Variants in ZNF577 observed in about 807,000 individuals in gnomAD.
ZNF577 encodes the protein zinc finger protein 577.
Under a neutral mutation model 13.9 loss-of-function variants are expected in ZNF577, and 14 were observed. The ratio of observed to expected loss-of-function variants is 1.00; its 90% confidence interval spans 0.66 to 1.57. The LOEUF (loss-of-function observed/expected upper bound fraction) is 1.57, where lower values mean the gene tolerates loss of function less well. ZNF577 is among the 40% of genes most tolerant of loss of function. The probability of loss-of-function intolerance (pLI) is 0.00; values close to 1 mark genes in which losing one functional copy is unlikely to be tolerated. For missense variants in ZNF577, 555 were observed against 579.2 expected, an observed-to-expected ratio of 0.96 and a Z score of 0.43; for synonymous variants, 203 against 202.9, an observed-to-expected ratio of 1.00 and a Z score of 0.00.
intron 9 of ZNF577, among the ~76,000 whole-genome samples, chr19:51,817,527 T>TTA (rs534968391): frequency 6.6e-6 from 1 of 151,572 alleles, no homozygotes; most frequent in Admixed American, 6.6e-5. Flanking sequence ...TTTTTTTTTT[T>TTA]AAATTATTGT....
intron 10 of ZNF577, among the ~76,000 whole-genome samples, chr19:51,808,594 T>C (rs570983724): frequency 5.1e-4 from 77 of 152,316 alleles, no homozygotes; most frequent in Non-Finnish European, 5.9e-5. Context: ...ACAGGTTCTC[T>C]TTGATTAATA....
At position 51,824,214 on chromosome 19, in the gene ZNF577, C is replaced by T. The variant is rs750893168; in HGVS notation, c.*600-12540G>A. ...GGGACTCTGGATTTTCACCATAGTC[C>T]TTACCTTACCAAATTTCATCTTCTG... is the stretch of plus-strand genomic sequence containing the variant. On this transcript the variant is annotated intron_variant and NMD_transcript_variant, in intron 9 of 10. Transcript: ENST00000638827. The surrounding 1 kb of genome is among the most constrained non-coding windows in gnomAD (Gnocchi z 4.7). The T allele has an allele frequency of 1.9e-6, 3 of 1,614,028 alleles. No individual in the cohort carries two copies. Among genetic ancestry groups the T allele is most frequent in the Non-Finnish European group, 2.5e-6 (3 of 1,180,026 alleles).
At chr19:51,873,908 A>G (rs576981624) in intron 5 of ZNF577, among the ~76,000 whole-genome samples, 1 of 152,312 alleles carries the variant, frequency 6.6e-6, no homozygotes, top group Admixed American at 6.5e-5. Flanking sequence ...AAAAAGCACA[A>G]TATGAACATC....
intron 3 of ZNF577, 63 bp from the exon 4 acceptor site, chr19:51,878,578 C>T (rs983618451): frequency 5.7e-6 from 9 of 1,591,840 alleles, no homozygotes; most frequent in South Asian, 5.6e-5. Flanking sequence ...AGAAGAGGGA[C>T]GGGGACATGT....
Position 51,872,833 on chromosome 19 carries a change from G to A in ZNF577, c.1157C>T (p.Thr386Met), listed in dbSNP as rs369075988. ...HIRETAINSL[T>M]VEKPSSRSHT... ...ACTCCTTGAGGAAGGTTTCTCCACCGTCAGTGAATTTATGGCTGTCTCTCT... is the reference window on the plus strand; with the variant it reads ...ACTCCTTGAGGAAGGTTTCTCCACCATCAGTGAATTTATGGCTGTCTCTCT... The change falls in exon 6 of 6, where the codon ACG (threonine) becomes ATG (methionine). Residue 386 changes from threonine to methionine, a missense_variant. Coordinates refer to ENST00000638348, the MANE Select transcript of ZNF577 (RefSeq NM_001370449.1). 63 of 1,614,150 alleles carry A rather than the reference G, an allele frequency of 3.9e-5. No homozygotes were observed. The highest frequency in any genetic ancestry group is 1.2e-4 in the Admixed American group (7 of 60,028).
intron 5 of ZNF577, among the ~76,000 whole-genome samples, chr19:51,857,932 T>C (rs944028870): frequency 6.6e-6 from 1 of 152,166 alleles, no homozygotes; most frequent in African/African-American, 2.4e-5. Context: ...AGGATCCACC[T>C]GTAATCCCAA....
chr19:51,825,257 T>C (rs10445582), intron 9 of ZNF577: 17,597 of 174,248 alleles, frequency 0.1, 1,073 homozygotes, highest in South Asian at 0.26. Context: ...CTACAAAGGA[T>C]ACAGATGAAG....
At chr19:51,804,491 T>G (rs768957170), downstream of ZNF577, among the ~76,000 whole-genome samples, 8 of 152,188 alleles carry the variant, frequency 5.3e-5, no homozygotes, top group Non-Finnish European at 7.3e-5. Flanking sequence ...AGTTTTACAA[T>G]TTGATTTGAT....
chr19:51,823,813 A>G, intron 9 of ZNF577: 3 of 1,613,810 alleles, frequency 1.9e-6, no homozygotes, highest in Non-Finnish European at 2.5e-6. Flanking sequence ...CCTGCTGGCC[A>G]CACCGTTCTG....
At chr19:51,875,467 A>G (rs1208025622) in intron 5 of ZNF577, among the ~76,000 whole-genome samples, 1 of 152,118 alleles carries the variant, frequency 6.6e-6, no homozygotes, top group Non-Finnish European at 1.5e-5. Flanking sequence ...AGAGGGCAGT[A>G]TCTGGATGTA....
intron 4 of ZNF577, chr19:51,878,111 G>A (rs1047820305): frequency 1.5e-5 from 3 of 205,480 alleles, no homozygotes; most frequent in Non-Finnish European, 3.0e-5. Flanking sequence ...GGGAGAAGTG[G>A]GGGAATGAGT....
At chr19:51,837,184 G>A (rs1318729594) in intron 9 of ZNF577, among the ~76,000 whole-genome samples, 6 of 152,308 alleles carry the variant, frequency 3.9e-5, no homozygotes, top group Non-Finnish European at 8.8e-5. Context: ...AGGGAACAGA[G>A]GGAAGGCTCC....
At chr19:51,826,635 T>C (rs964051562) in intron 9 of ZNF577, among the ~76,000 whole-genome samples, 4 of 152,188 alleles carry the variant, frequency 2.6e-5, no homozygotes, top group African/African-American at 9.7e-5. Flanking sequence ...ACTGAGACTG[T>C]AGTATTGCAG....
Position 51,878,466 on chromosome 19 carries a change from C to T in ZNF577, c.110G>A (p.Trp37Ter), listed in dbSNP as rs1599874726. Reference sequence around the variant, plus strand: ...CTTCTGAGACTGGTCCAAAAACTGCCACTCCTCCCTGGTGAAGCCCACAGC... The same window carrying T: ...CTTCTGAGACTGGTCCAAAAACTGCTACTCCTCCCTGGTGAAGCCCACAGC... ...DVAVGFTREE[W>*]QFLDQSQKVL... The change falls in exon 4 of 6, where the codon TGG (tryptophan) becomes TAG (stop). Residue 37 changes from tryptophan (W) to a stop codon, truncating the protein, a stop_gained. Transcript: ENST00000638348. LOFTEE classifies it high-confidence loss of function. 1 of 1,614,060 alleles carries T rather than the reference C, an allele frequency of 6.2e-7. No individual in the cohort carries two copies. The highest frequency in any genetic ancestry group is 8.5e-7 in the Non-Finnish European group (1 of 1,179,996).
chr19:51,884,044 G>A (rs10424202), intron 1 of ZNF577, among the ~76,000 whole-genome samples: 32,802 of 152,056 alleles, frequency 0.22, 4,263 homozygotes, highest in South Asian at 0.41. Flanking sequence ...ACTGCAGTCC[G>A]GCCTCGGTGA....
Position 51,857,763 on chromosome 19 carries a change from T to TAC in ZNF577, c.284-12834_284-12833dup, listed in dbSNP as rs145704523. Among the ~76,000 whole-genome samples, 10 of 151,416 alleles carry TAC rather than the reference T, an allele frequency of 6.6e-5. No individual in the cohort carries two copies. In the South Asian group the frequency reaches 1.2e-3, roughly 19 times the overall value. ...ACAGATACATATATATCTGTACACA[T>TAC]ACACACACACACACGCACACACACA... On this transcript the variant is annotated intron_variant and NMD_transcript_variant, in intron 5 of 10. Transcript: ENST00000638827.
intron 1 of ZNF577, among the ~76,000 whole-genome samples, chr19:51,883,501 C>A (rs2084896141): frequency 6.6e-6 from 1 of 151,900 alleles, no homozygotes; most frequent in African/African-American, 2.4e-5. Flanking sequence ...AGTAGTTCAA[C>A]TTAGAGGTTT....
Position 51,816,608 on chromosome 19 carries a change from A to G in ZNF577, c.*600-4934T>C, listed in dbSNP as rs76445473. On this transcript the variant is annotated intron_variant and NMD_transcript_variant, in intron 9 of 10. Coordinates refer to the ZNF577 transcript ENST00000638827. Reference sequence around the variant, plus strand: ...AGCAAAGTGATTTATTGTGTTCTGCATGCCATTCTAGCAAATTACAAAGCT... The same window carrying G: ...AGCAAAGTGATTTATTGTGTTCTGCGTGCCATTCTAGCAAATTACAAAGCT... Among the ~76,000 whole-genome samples the G allele has an allele frequency of 9.3e-3, 1,413 of 152,324 alleles. 23 individuals are homozygous for G. The highest frequency in any genetic ancestry group is 0.031 in the African/African-American group (1,277 of 41,580).
At chr19:51,878,300 C>T in intron 4 of ZNF577, 89 bp downstream of exon 4, 1 of 1,359,254 alleles carries the variant, frequency 7.4e-7, no homozygotes, top group Non-Finnish European at 1.0e-6. Flanking sequence ...ACATATAATA[C>T]TTTAGTCTAA....
Sources: allele counts gnomAD v4.1 joint callset (sites outside exome capture counted in the v4.1 genomes callset), GRCh38; gene constraint gnomAD v4.1.1; non-coding constraint Gnocchi (gnomAD v3.1); transcripts MANE v1.5; gene names NCBI Gene and HGNC (gene_info 2026-07-23, HGNC 2026-07-21).